The following SRGAP1 variants were observed in gnomAD, a reference collection of about 807,000 sequenced individuals.
SRGAP1 encodes SLIT-ROBO Rho GTPase-activating protein 1.
Under a neutral mutation model 121.9 loss-of-function variants are expected in SRGAP1, and 43 were observed. That is an observed-to-expected ratio of 0.35 (90% CI 0.28 to 0.46). The LOEUF (loss-of-function observed/expected upper bound fraction) is 0.46, where lower values mean the gene tolerates loss of function less well. SRGAP1 is among the 20% of genes least tolerant of loss of function. SRGAP1 has a pLI of 1.00. For missense variants in SRGAP1, 1,102 were observed against 1,350.9 expected (o/e 0.82, Z 2.89); for synonymous variants, 447 against 485.4 (o/e 0.92, Z 1.04).
chr12:64,101,923 A>T (rs1299020637), intron 15 of SRGAP1, among the ~76,000 whole-genome samples: 1 of 152,178 alleles, frequency 6.6e-6, no homozygotes, highest in African/African-American at 2.4e-5. Context: ...CTATCACAAA[A>T]CCAACATGTA....
chr12:64,080,439 G>C (rs1025279319), intron 10 of SRGAP1, 69 bp downstream of exon 10: 1 of 1,262,986 alleles, frequency 7.9e-7, no homozygotes, highest in African/African-American at 1.5e-5. Context: ...ATTCCAGAAA[G>C]AGTATGAATT....
At chr12:63,910,482 G>A (rs1592937939) in intron 1 of SRGAP1, among the ~76,000 whole-genome samples, 1 of 152,150 alleles carries the variant, frequency 6.6e-6, no homozygotes, top group South Asian at 2.1e-4. Context: ...GCATTCAAGA[G>A]TAACACAATG....
rs572200012 is a variant in SRGAP1 at position 63,902,167 on chromosome 12, A to C, written c.67+57284A>C. 9.2e-5 allele frequency among the ~76,000 whole-genome samples: 14 copies of C among 152,292 alleles called. 1 individual carries two copies. Among genetic ancestry groups the C allele is most frequent in the Admixed American group, 9.1e-4 (14 of 15,308 alleles). ...CCATCGCTATTAAAAAATTTATTTA[A>C]AAACATTTTACAAAAGTTGAGATCT... On this transcript the variant is annotated intron_variant, in intron 1 of 21. Coordinates refer to ENST00000355086, the MANE Select transcript of SRGAP1 (RefSeq NM_020762.4).
intron 1 of SRGAP1, among the ~76,000 whole-genome samples, chr12:63,886,789 AT>A (rs201478744): frequency 3.3e-5 from 5 of 150,892 alleles, no homozygotes; most frequent in South Asian, 2.1e-4. Context: ...TTTAAAAGGG[AT>A]TTTTTTTTGT....
chr12:63,895,839 G>A (rs556907756), intron 1 of SRGAP1, among the ~76,000 whole-genome samples: 107 of 152,304 alleles, frequency 7.0e-4, no homozygotes, highest in African/African-American at 2.6e-3. Flanking sequence ...GCTTCATGGG[G>A]AATTCAAGGA....
Position 64,161,187 on chromosome 12 carries a change from T to C in SRGAP1, c.*18515T>C, listed in dbSNP as rs746238671. The C allele has an allele frequency of 6.6e-6, 1 of 152,208 alleles. No homozygotes were observed. Among genetic ancestry groups the C allele is most frequent in the Non-Finnish European group, 1.5e-5 (1 of 68,022 alleles). The allele number at this position is 152,208 out of a possible 1,614,324, so 9.4% of individuals were successfully genotyped here. On this transcript the variant is annotated 3_prime_UTR_variant, in exon 22 of 22. Transcript: ENST00000355086. Reference sequence around the variant, plus strand: ...GATAAAAATTAATTCATTCTCAAAATCTTCCACAGAAATGCTTTCAAACTC... The same window carrying C: ...GATAAAAATTAATTCATTCTCAAAACCTTCCACAGAAATGCTTTCAAACTC...
intron 1 of SRGAP1, among the ~76,000 whole-genome samples, chr12:63,873,723 C>T (rs565837112): frequency 1.1e-4 from 17 of 151,404 alleles, no homozygotes; most frequent in African/African-American, 3.9e-4. Flanking sequence ...GGCTGGAGTA[C>T]AGTGGTGCAA....
At chr12:64,056,297 C>T (rs946430799) in intron 6 of SRGAP1, among the ~76,000 whole-genome samples, 2 of 151,942 alleles carry the variant, frequency 1.3e-5, no homozygotes, top group Non-Finnish European at 2.9e-5. Flanking sequence ...TCATATGTTC[C>T]AAAAATCCAT....
chr12:63,855,256 G>A (rs947179829), intron 1 of SRGAP1, among the ~76,000 whole-genome samples: 2 of 152,024 alleles, frequency 1.3e-5, no homozygotes, highest in African/African-American at 4.8e-5. Context: ...CAGCCTTAAG[G>A]AGCACATGTC....
At chr12:63,999,163 C>T (rs978947186) in intron 3 of SRGAP1, among the ~76,000 whole-genome samples, 41 of 152,148 alleles carry the variant, frequency 2.7e-4, no homozygotes, top group African/African-American at 9.4e-4. Context: ...TGAAGAACCA[C>T]ATGCCGTGAG....
chr12:63,988,179 A>G (rs917635373), intron 2 of SRGAP1, among the ~76,000 whole-genome samples: 19 of 152,338 alleles, frequency 1.2e-4, no homozygotes, highest in African/African-American at 4.3e-4. Flanking sequence ...TATTTATGCA[A>G]TGAGTGAAAT....
At chr12:64,129,712 C>T (rs1480588459) in intron 21 of SRGAP1, among the ~76,000 whole-genome samples, 1 of 152,164 alleles carries the variant, frequency 6.6e-6, no homozygotes, top group African/African-American at 2.4e-5. Context: ...AACCCAAATG[C>T]TATTACATAA....
chr12:64,123,746 A>C (rs2036643044), intron 18 of SRGAP1, among the ~76,000 whole-genome samples: 1 of 151,906 alleles, frequency 6.6e-6, no homozygotes, highest in Non-Finnish European at 1.5e-5. Flanking sequence ...TGGGCCACAC[A>C]GTGATCCTCC....
At chr12:63,932,521 T>C (rs942397430) in intron 1 of SRGAP1, among the ~76,000 whole-genome samples, 1 of 152,218 alleles carries the variant, frequency 6.6e-6, no homozygotes, top group South Asian at 2.1e-4. Flanking sequence ...GACCGTCATA[T>C]AGAGAAATCT....
At chr12:63,886,095 C>T (rs1179348948) in intron 1 of SRGAP1, among the ~76,000 whole-genome samples, 1 of 152,166 alleles carries the variant, frequency 6.6e-6, no homozygotes. Flanking sequence ...GAGTCTCACT[C>T]CGCTGCCCAG....
chr12:64,043,058 T>C (rs2035056511), intron 5 of SRGAP1, 86 bp downstream of exon 5: 4 of 881,848 alleles, frequency 4.5e-6, no homozygotes, highest in Non-Finnish European at 5.3e-6. Flanking sequence ...TATCCACACA[T>C]TGTAAGTTAT....
chr12:63,856,582 G>A (rs1899258959), intron 1 of SRGAP1, among the ~76,000 whole-genome samples: 1 of 152,022 alleles, frequency 6.6e-6, no homozygotes, highest in South Asian at 2.1e-4. Flanking sequence ...TATGCTAGCT[G>A]CTTCTGTTTT....
intron 4 of SRGAP1, among the ~76,000 whole-genome samples, chr12:64,028,148 T>A (rs2034694859): frequency 6.6e-6 from 1 of 152,248 alleles, no homozygotes; most frequent in African/African-American, 2.4e-5. Flanking sequence ...AAACTTTTCC[T>A]TTGCCACCAA....
intron 1 of SRGAP1, among the ~76,000 whole-genome samples, chr12:63,953,166 C>G (rs17120486): frequency 0.026 from 3,907 of 152,124 alleles, 158 homozygotes; most frequent in African/African-American, 0.088. Context: ...TGTCCAGTGG[C>G]TTATTGTTAA....
Sources: allele counts gnomAD v4.1 joint callset (sites outside exome capture counted in the v4.1 genomes callset), GRCh38; gene constraint gnomAD v4.1.1; transcripts MANE v1.5; gene names NCBI Gene and HGNC (gene_info 2026-07-23, HGNC 2026-07-21).